Variants in TECPR2 observed in about 807,000 individuals in gnomAD.
The protein encoded by TECPR2 is tectonin beta-propeller repeat-containing protein 2.
In TECPR2, 65 loss-of-function variants were observed where a neutral mutation model predicts 138.1. That is an observed-to-expected ratio of 0.47 (90% CI 0.39 to 0.58). TECPR2 has a LOEUF of 0.58. Among genes scored for constraint, TECPR2 ranks in the 20% least tolerant of loss-of-function variants. TECPR2 has a pLI of 0.00. For missense variants in TECPR2, 1,553 were observed against 1,824.5 expected (o/e 0.85, Z 2.71); for synonymous variants, 746 against 749.8 (o/e 0.99, Z 0.08).
intron 2 of TECPR2, among the ~76,000 whole-genome samples, chr14:102,386,673 A>AT (rs1185895136): frequency 2.0e-5 from 3 of 152,226 alleles, no homozygotes; most frequent in South Asian, 2.1e-4. Flanking sequence ...GGAATTACGT[A>AT]TTTTTTTAAC....
At chr14:102,379,212 C>CA (rs1433178690) in intron 2 of TECPR2, among the ~76,000 whole-genome samples, 1 of 152,008 alleles carries the variant, frequency 6.6e-6, no homozygotes, top group Non-Finnish European at 1.5e-5. Flanking sequence ...AATCCGTGCA[C>CA]AGAGGCGTCC....
chr14:102,372,579 T>C (rs1887533870), intron 1 of TECPR2, among the ~76,000 whole-genome samples: 1 of 152,124 alleles, frequency 6.6e-6, no homozygotes, highest in African/African-American at 2.4e-5. Context: ...CTTTGTGCTT[T>C]TCTATATTAA....
intron 10 of TECPR2, chr14:102,438,414 T>C (rs1889739964): frequency 3.6e-6 from 2 of 562,262 alleles, no homozygotes; most frequent in Non-Finnish European, 6.1e-6. Context: ...CAATTCGTAG[T>C]GTAAATGGGT....
In TECPR2 at chr14:102,407,257, C is replaced by T. The variant is rs1888682731; in HGVS notation, c.220-81C>T. On this transcript the variant is annotated intron_variant, in intron 2 of 19. Coordinates refer to ENST00000359520, the MANE Select transcript of TECPR2 (RefSeq NM_014844.5). ...GACTGCAGCCTGATGAAGTTTTTCA[C>T]TCCTTTAGTAATGTCCTCCTTGTTT... The T allele has an allele frequency of 4.1e-6, 6 of 1,480,632 alleles. No homozygotes were observed. The African/African-American group carries it at 5.7e-5, about 14-fold the overall frequency. 91.7% of individuals were successfully genotyped at this position (1,480,632 alleles called of 1,614,324 possible). A position where few individuals can be genotyped will look rare whatever the true frequency, so the allele number is the denominator to read the frequency against.
intron 2 of TECPR2, among the ~76,000 whole-genome samples, chr14:102,384,143 T>C (rs1887921768): frequency 6.6e-6 from 1 of 151,880 alleles, no homozygotes; most frequent in Non-Finnish European, 1.5e-5. Flanking sequence ...GGTCTCGAAC[T>C]CCCGACCCCA....
At chr14:102,384,232 AT>A (rs928064846) in intron 2 of TECPR2, among the ~76,000 whole-genome samples, 1 of 151,260 alleles carries the variant, frequency 6.6e-6, no homozygotes, top group Non-Finnish European at 1.5e-5. Flanking sequence ...AGTTGTTTTT[AT>A]TTTTTTACTA....
intron 1 of TECPR2, among the ~76,000 whole-genome samples, chr14:102,372,197 C>T (rs982424438): frequency 6.6e-6 from 1 of 152,144 alleles, no homozygotes; most frequent in African/African-American, 2.4e-5. Context: ...GTGATCTACC[C>T]ACCTTGGCCT....
intron 2 of TECPR2, among the ~76,000 whole-genome samples, chr14:102,394,678 A>C (rs917829314): frequency 6.6e-6 from 1 of 152,148 alleles, no homozygotes; most frequent in Non-Finnish European, 1.5e-5. Flanking sequence ...TAACTACAGC[A>C]CCTTCCCTTA....
chr14:102,486,988 A>G (rs1595148771), intron 17 of TECPR2, among the ~76,000 whole-genome samples: 2 of 152,260 alleles, frequency 1.3e-5, no homozygotes, highest in East Asian at 3.9e-4. Context: ...TGGCCCAACC[A>G]ACCCACACGC....
In TECPR2 at chr14:102,434,228, G is replaced by A; in HGVS notation, c.1418-7G>A. 1 of 1,363,268 alleles carries A rather than the reference G, an allele frequency of 7.3e-7. No homozygotes were observed. Among genetic ancestry groups the A allele is most frequent in the Non-Finnish European group, 9.5e-7 (1 of 1,051,372 alleles). The allele number at this position is 1,363,268 out of a possible 1,614,324, so 84.4% of individuals were successfully genotyped here. On this transcript the variant is annotated splice_polypyrimidine_tract_variant and splice_region_variant and intron_variant, in intron 8 of 19. Coordinates refer to ENST00000359520, the MANE Select transcript of TECPR2 (RefSeq NM_014844.5). The stretch of plus-strand genomic sequence containing the variant: ...GCCTTATTTTGAATGTTCTTATTCT[G>A]AATTAGAAGGTGGAAGCAGGAGCAC...
intron 16 of TECPR2, among the ~76,000 whole-genome samples, chr14:102,455,076 G>A (rs1365488294): frequency 1.3e-5 from 2 of 152,160 alleles, no homozygotes; most frequent in Non-Finnish European, 2.9e-5. Context: ...GAGAAACCTG[G>A]CTTGAGTGGG....
chr14:102,497,410 G>A (rs1400958376), intron 18 of TECPR2, 160 bp from the exon 19 acceptor site: 14 of 1,116,670 alleles, frequency 1.3e-5, no homozygotes, highest in African/African-American at 9.5e-5. Context: ...CCAACTGGTC[G>A]TCCTTTCCCT....
intron 12 of TECPR2, among the ~76,000 whole-genome samples, chr14:102,444,195 C>CTT (rs111476747): frequency 2.2e-5 from 3 of 138,726 alleles, no homozygotes; most frequent in South Asian, 2.3e-4. Flanking sequence ...TGAACTGTAG[C>CTT]TTTTTTTTTT....
At chr14:102,468,950 T>C (rs1890607688) in intron 17 of TECPR2, among the ~76,000 whole-genome samples, 1 of 152,272 alleles carries the variant, frequency 6.6e-6, no homozygotes, top group South Asian at 2.1e-4. Flanking sequence ...CTCTTAGTTA[T>C]ATCCCAGTGA....
chr14:102,483,523 C>T (rs1890943412), intron 17 of TECPR2, among the ~76,000 whole-genome samples: 1 of 151,974 alleles, frequency 6.6e-6, no homozygotes, highest in African/African-American at 2.4e-5. Context: ...CTCATTGTAG[C>T]TTTAAACTTC....
At chr14:102,396,924 C>T (rs923354666) in intron 2 of TECPR2, among the ~76,000 whole-genome samples, 2 of 152,192 alleles carry the variant, frequency 1.3e-5, no homozygotes, top group African/African-American at 4.8e-5. Context: ...CGTTACACCT[C>T]CTCATTATTG....
At chr14:102,390,861 T>C (rs576948903) in intron 2 of TECPR2, among the ~76,000 whole-genome samples, 1 of 152,184 alleles carries the variant, frequency 6.6e-6, no homozygotes, top group Non-Finnish European at 1.5e-5. Context: ...TGACCATTAC[T>C]TCAATGTAAA....
intron 16 of TECPR2, among the ~76,000 whole-genome samples, chr14:102,453,649 C>G (rs1480452252): frequency 6.6e-6 from 1 of 152,026 alleles, no homozygotes; most frequent in East Asian, 1.9e-4. Context: ...TGGAGTTGTG[C>G]AGATGGCCCC....
rs374174760 is a variant in TECPR2 at position 102,414,604 on chromosome 14, G to T, written c.481-32G>T. 3 of 1,612,312 alleles carry T rather than the reference G, an allele frequency of 1.9e-6. No homozygotes were observed. The African/African-American group carries it at 4.0e-5, about 22-fold the overall frequency. ...GAGGTCCATTCTTTAGCCTGGCGCT[G>T]ATGTGAGGTGTAACCAGACTTTCTC... is the stretch of plus-strand genomic sequence containing the variant. On this transcript the variant is annotated intron_variant, in intron 4 of 19. Coordinates refer to ENST00000359520, the MANE Select transcript of TECPR2 (RefSeq NM_014844.5).
Sources: gnomAD v4.1 joint callset for allele counts (sites outside exome capture counted in the v4.1 genomes callset) on GRCh38, gnomAD v4.1.1 for gene constraint, MANE v1.5 for transcripts, NCBI Gene and HGNC (gene_info 2026-07-23, HGNC 2026-07-21) for gene names.